Variants in HSPA12A observed in about 807,000 individuals in gnomAD.
HSPA12A encodes the protein heat shock protein family A (Hsp70) member 12A.
A neutral mutation model predicts 69.2 loss-of-function variants in HSPA12A; 28 were observed. The observed-to-expected ratio is 0.40, with a 90% CI of 0.30 to 0.55. The LOEUF (loss-of-function observed/expected upper bound fraction) is 0.55, where lower values mean the gene tolerates loss of function less well. HSPA12A is among the 20% of genes least tolerant of loss of function. HSPA12A has a pLI of 0.38. For synonymous variants in HSPA12A, 345 were observed against 370.5 expected (o/e 0.93, Z 0.79); for missense variants, 686 against 900.7 (o/e 0.76, Z 3.05).
chr10:116,748,507 C>A (rs1554888009), intron 2 of HSPA12A, among the ~76,000 whole-genome samples: 2 of 152,146 alleles, frequency 1.3e-5, no homozygotes, highest in African/African-American at 4.8e-5. Context: ...AGAGTGAGCC[C>A]AAATATTGTC....
intron 2 of HSPA12A, chr10:116,750,359 A>C (rs1851747032): frequency 1.4e-6 from 1 of 734,066 alleles, no homozygotes; most frequent in Non-Finnish European, 2.5e-6. Context: ...TGCCAAAACT[A>C]CTTCTGGCAA....
At chr10:116,711,616 A>C (rs1554883075) in intron 1 of HSPA12A, among the ~76,000 whole-genome samples, 1 of 151,952 alleles carries the variant, frequency 6.6e-6, no homozygotes, top group Non-Finnish European at 1.5e-5. Context: ...AGAGAGAGTC[A>C]ATGTTTTCAC....
chr10:116,781,045 G>A (rs897261721), intron 2 of HSPA12A, among the ~76,000 whole-genome samples: 4 of 152,264 alleles, frequency 2.6e-5, no homozygotes, highest in South Asian at 2.1e-4. Flanking sequence ...TGAGAGGGTC[G>A]CTTGAGGCCA....
chr10:116,703,704 T>C (rs1425437917), intron 3 of HSPA12A, among the ~76,000 whole-genome samples: 1 of 152,210 alleles, frequency 6.6e-6, no homozygotes, highest in Non-Finnish European at 1.5e-5. Context: ...CTTCCAAAGA[T>C]TCGAGGAGTC....
rs1849986534 is a variant in HSPA12A at position 116,698,618 on chromosome 10, T to C, written c.546+17A>G. ...CCGCCTAGCACACAGCTGGCTGGCC[T>C]CAACTATCAGTCCTACCTTCAGCGC... On this transcript the variant is annotated intron_variant, in intron 5 of 11. Transcript: ENST00000369209. 1 of 1,589,824 alleles carries C rather than the reference T, an allele frequency of 6.3e-7. No individual in the cohort carries two copies.
chr10:116,836,988 A>G (rs1845725536), intron 1 of HSPA12A, among the ~76,000 whole-genome samples: 2 of 152,164 alleles, frequency 1.3e-5, no homozygotes, highest in African/African-American at 2.4e-5. Context: ...TCTAGGAGGT[A>G]GCAGGGGCCT....
rs148398696 is a variant in HSPA12A, at chr10:116,721,973, T to C, written c.41-14688A>G. On this transcript the variant is annotated intron_variant, in intron 1 of 11. Coordinates refer to ENST00000369209, the MANE Select transcript of HSPA12A (RefSeq NM_025015.3). ...TCCTTGGGTCTGGGGAATGAGACTT[T>C]ATACCTTGTTACCATGCTCAGATGG... 8.6e-4 allele frequency among the ~76,000 whole-genome samples: 131 copies of C among 152,330 alleles called. 5 individuals are homozygous for C. In the East Asian group the frequency reaches 0.02, roughly 23 times the overall value.
chr10:116,742,638 C>T, upstream of HSPA12A: 2 of 1,013,146 alleles, frequency 2.0e-6, no homozygotes, highest in South Asian at 9.3e-5. Flanking sequence ...CCGGGCCCCG[C>T]CCCGGCCCGC....
At chr10:116,704,463 G>A (rs1850176685) in intron 3 of HSPA12A, among the ~76,000 whole-genome samples, 1 of 152,114 alleles carries the variant, frequency 6.6e-6, no homozygotes, top group Non-Finnish European at 1.5e-5. Flanking sequence ...ACTGTTGTGG[G>A]GTGGGGGGAG....
chr10:116,830,155 C>T lies in HSPA12A; in HGVS notation c.91+4780G>A, dbSNP rs147236621. Reference sequence around the variant, plus strand: ...ACTATTCTAGCCAGGCATCCTCCTCCTCTAATGGGCTTTCTGACTTCAATG... The same window carrying T: ...ACTATTCTAGCCAGGCATCCTCCTCTTCTAATGGGCTTTCTGACTTCAATG... On this transcript the variant is annotated intron_variant, in intron 2 of 12. Transcript: ENST00000635765. 2.2e-4 allele frequency: 34 copies of T among 152,326 alleles called. No homozygotes were observed. In the East Asian group the frequency reaches 6.4e-3, roughly 29 times the overall value. 9.4% of individuals were successfully genotyped at this position (152,326 alleles called of 1,614,324 possible).
intron 2 of HSPA12A, among the ~76,000 whole-genome samples, chr10:116,819,692 A>G (rs1845375167): frequency 6.6e-6 from 1 of 152,200 alleles, no homozygotes; most frequent in African/African-American, 2.4e-5. Flanking sequence ...TCAACAGGCT[A>G]TGATAGGTGG....
chr10:116,734,042 G>A (rs1196747600), intron 1 of HSPA12A, among the ~76,000 whole-genome samples: 1 of 152,124 alleles, frequency 6.6e-6, no homozygotes, highest in Non-Finnish European at 1.5e-5. Context: ...CACACCTGCG[G>A]AACCTTGCTA....
At chr10:116,837,777 A>G (rs982469287) in intron 1 of HSPA12A, among the ~76,000 whole-genome samples, 3 of 152,112 alleles carry the variant, frequency 2.0e-5, no homozygotes, top group African/African-American at 7.3e-5. Flanking sequence ...TACCTATAAT[A>G]AAAGGTATTT....
intron 1 of HSPA12A, among the ~76,000 whole-genome samples, chr10:116,721,270 C>T (rs1554884344): frequency 1.3e-5 from 2 of 152,164 alleles, no homozygotes; most frequent in African/African-American, 4.8e-5. Context: ...GATAAATACA[C>T]AAGACACTGA....
chr10:116,780,676 A>C (rs1335703122), intron 2 of HSPA12A, among the ~76,000 whole-genome samples: 1 of 152,196 alleles, frequency 6.6e-6, no homozygotes, highest in Non-Finnish European at 1.5e-5. Context: ...CGATTATCAA[A>C]TCCTTTTAAA....
chr10:116,685,592 G>A (rs1352805571), intron 6 of HSPA12A, among the ~76,000 whole-genome samples: 1 of 150,692 alleles, frequency 6.6e-6, no homozygotes, highest in Non-Finnish European at 1.5e-5. Context: ...CCGAGATGGT[G>A]CCATTGTACC....
intron 2 of HSPA12A, among the ~76,000 whole-genome samples, chr10:116,827,088 C>T (rs1319624568): frequency 6.6e-6 from 1 of 152,188 alleles, no homozygotes; most frequent in Non-Finnish European, 1.5e-5. Flanking sequence ...TGAATGTGTG[C>T]TCAGCCACCC....
At chr10:116,738,550 T>C (rs1851382600) in intron 1 of HSPA12A, among the ~76,000 whole-genome samples, 1 of 151,964 alleles carries the variant, frequency 6.6e-6, no homozygotes, top group East Asian at 1.9e-4. Context: ...ATCAGCAAAA[T>C]GGGGTAATAA....
At chr10:116,838,427 G>C (rs979631973) in intron 1 of HSPA12A, among the ~76,000 whole-genome samples, 2 of 151,130 alleles carry the variant, frequency 1.3e-5, no homozygotes, top group East Asian at 1.9e-4. Context: ...TTTCTGGAGG[G>C]GGGGAAAACA....
Sources: allele counts gnomAD v4.1 joint callset (sites outside exome capture counted in the v4.1 genomes callset), GRCh38; gene constraint gnomAD v4.1.1; transcripts MANE v1.5; gene names NCBI Gene and HGNC (gene_info 2026-07-23, HGNC 2026-07-21).